The following EXOC4 variants were observed in gnomAD, a reference collection of about 807,000 sequenced individuals.
EXOC4 encodes the protein exocyst complex component 4.
Under a neutral mutation model 107.2 loss-of-function variants are expected in EXOC4, and 71 were observed. The observed-to-expected ratio is 0.66, with a 90% CI of 0.55 to 0.81. The LOEUF (loss-of-function observed/expected upper bound fraction) is 0.81, where lower values mean the gene tolerates loss of function less well. Ranked by LOEUF, EXOC4 falls within the 30% of genes least tolerant of loss-of-function variation. The pLI is 0.00. For missense variants in EXOC4, 1,108 were observed against 1,189.6 expected, an observed-to-expected ratio of 0.93 and a Z score of 1.01; for synonymous variants, 456 against 441.2, an observed-to-expected ratio of 1.03 and a Z score of -0.42.
intron 1 of EXOC4, among the ~76,000 whole-genome samples, chr7:133,269,849 A>G (rs1220867828): frequency 2.0e-5 from 3 of 152,164 alleles, no homozygotes; most frequent in Non-Finnish European, 2.9e-5. Context: ...TAAGAGCCAT[A>G]TGGCCCAGGT....
At chr7:133,661,100 A>G (rs759049906) in intron 10 of EXOC4, among the ~76,000 whole-genome samples, 1 of 152,100 alleles carries the variant, frequency 6.6e-6, no homozygotes, top group Non-Finnish European at 1.5e-5. Flanking sequence ...CAGGCAGGGC[A>G]TTTTCATGAT....
At chr7:134,014,948 G>A (rs966708465) in intron 17 of EXOC4, among the ~76,000 whole-genome samples, 4 of 152,172 alleles carry the variant, frequency 2.6e-5, no homozygotes, top group Non-Finnish European at 4.4e-5. Flanking sequence ...ATCCTGAGAG[G>A]TAGAAGATAA....
chr7:134,006,648 G>A (rs959030278), intron 16 of EXOC4, among the ~76,000 whole-genome samples: 4 of 152,044 alleles, frequency 2.6e-5, no homozygotes, highest in Admixed American at 1.3e-4. Flanking sequence ...TCAGAGTCTC[G>A]GGGAAGGGAC....
At chr7:133,270,563 G>A (rs552015107) in intron 1 of EXOC4, among the ~76,000 whole-genome samples, 1 of 152,240 alleles carries the variant, frequency 6.6e-6, no homozygotes, top group Non-Finnish European at 1.5e-5. Context: ...TATGGAAGAA[G>A]GAATAGACAT....
chr7:133,453,137 C>T (rs1471121340), intron 7 of EXOC4, among the ~76,000 whole-genome samples: 1 of 152,118 alleles, frequency 6.6e-6, no homozygotes, highest in Non-Finnish European at 1.5e-5. Context: ...ATATAAAAAT[C>T]GCTGTGAATT....
chr7:134,005,841 A>C (rs1159664212), intron 16 of EXOC4, among the ~76,000 whole-genome samples: 3 of 152,212 alleles, frequency 2.0e-5, no homozygotes, highest in Admixed American at 1.3e-4. Context: ...ATTGTGGCAA[A>C]CTGACAATAC....
Position 133,840,215 on chromosome 7 carries a change from G to A in EXOC4, c.1734+22671G>A, listed in dbSNP as rs1797997446. 3.3e-5 allele frequency among the ~76,000 whole-genome samples: 5 copies of A among 152,304 alleles called. No individual in the cohort carries two copies. In the South Asian group the frequency reaches 1.0e-3, roughly 32 times the overall value. ...AATCGAATCTGATACAGCAGTGAGA[G>A]TGAATGGATGTACTGCATGTTATAC... On this transcript the variant is annotated intron_variant, in intron 11 of 17. Transcript: ENST00000253861.
chr7:133,508,276 G>A (rs1224264965), intron 9 of EXOC4, among the ~76,000 whole-genome samples: 1 of 152,074 alleles, frequency 6.6e-6, no homozygotes, highest in African/African-American at 2.4e-5. Context: ...ATGCCTGGAG[G>A]TCTTGTGAAC....
In EXOC4 at chr7:133,912,011, A is replaced by T. The variant is rs114751606; in HGVS notation, c.1872-5572A>T. On this transcript the variant is annotated intron_variant, in intron 12 of 17. Transcript: ENST00000253861. ...ATGAATGGTGAAATTGAAATTTTGT[A>T]TAATTTCCACATGTCACAAAATATT... 9.0e-3 allele frequency among the ~76,000 whole-genome samples: 1,374 copies of T among 152,332 alleles called. 29 individuals are homozygous for T. The highest frequency in any genetic ancestry group is 0.032 in the African/African-American group (1,341 of 41,572).
chr7:133,918,520 A>G (rs577793931), intron 13 of EXOC4, among the ~76,000 whole-genome samples: 1 of 152,316 alleles, frequency 6.6e-6, no homozygotes, highest in African/African-American at 2.4e-5. Flanking sequence ...GGAAAATACA[A>G]ATGTGCTTCC....
chr7:133,569,244 A>G (rs1439789656), intron 9 of EXOC4, among the ~76,000 whole-genome samples: 2 of 152,178 alleles, frequency 1.3e-5, no homozygotes, highest in Non-Finnish European at 2.9e-5. Context: ...GATAACAATA[A>G]AGAAATTTAA....
chr7:133,603,329 T>C (rs1801851216), intron 9 of EXOC4, among the ~76,000 whole-genome samples: 1 of 152,220 alleles, frequency 6.6e-6, no homozygotes, highest in Non-Finnish European at 1.5e-5. Context: ...AAAAATAATT[T>C]TTAAACTCAA....
chr7:133,440,970 C>T (rs1798090323), intron 7 of EXOC4, among the ~76,000 whole-genome samples: 4 of 141,330 alleles, frequency 2.8e-5, no homozygotes, highest in African/African-American at 1.1e-4. Context: ...TGAATTATTT[C>T]TTGTGTGAGA....
At chr7:133,712,347 G>A (rs1344694608) in intron 10 of EXOC4, among the ~76,000 whole-genome samples, 1 of 149,228 alleles carries the variant, frequency 6.7e-6, no homozygotes, top group Admixed American at 6.8e-5. Flanking sequence ...GCTGAGGCAG[G>A]AGAATCACTT....
intron 17 of EXOC4, among the ~76,000 whole-genome samples, chr7:134,014,437 C>T (rs775615718): frequency 1.3e-5 from 2 of 152,078 alleles, no homozygotes; most frequent in African/African-American, 4.8e-5. Context: ...TATCCATCAA[C>T]GTATGGATGA....
chr7:133,466,441 G>A (rs1487349979), intron 7 of EXOC4, among the ~76,000 whole-genome samples: 2 of 152,138 alleles, frequency 1.3e-5, no homozygotes, highest in South Asian at 4.1e-4. Flanking sequence ...ACTATGATAT[G>A]CCAATCAGAC....
chr7:133,576,885 A>C (rs1243792001), intron 9 of EXOC4: 1 of 1,288,360 alleles, frequency 7.8e-7, no homozygotes, highest in Non-Finnish European at 1.0e-6. Context: ...AATGTGTTTT[A>C]AGATTAAATT....
chr7:133,867,054 A>G (rs1370530069), intron 11 of EXOC4, among the ~76,000 whole-genome samples: 2 of 152,190 alleles, frequency 1.3e-5, no homozygotes, highest in East Asian at 3.8e-4. Flanking sequence ...GTCAAACTCA[A>G]CCACTGGAGC....
At chr7:133,750,200 C>G (rs548200050) in intron 10 of EXOC4, among the ~76,000 whole-genome samples, 1 of 152,098 alleles carries the variant, frequency 6.6e-6, no homozygotes, top group African/African-American at 2.4e-5. Flanking sequence ...CCCATTGTCT[C>G]CTTTCCCTGA....
Sources: allele counts gnomAD v4.1 joint callset (sites outside exome capture counted in the v4.1 genomes callset), GRCh38; gene constraint gnomAD v4.1.1; transcripts MANE v1.5; gene names NCBI Gene and HGNC (gene_info 2026-07-23, HGNC 2026-07-21).